The following GDPD5 variants were observed in gnomAD, a reference collection of about 807,000 sequenced individuals.
The protein encoded by GDPD5 is glycerophosphodiester phosphodiesterase domain containing 5.
A neutral mutation model predicts 75.1 loss-of-function variants in GDPD5; 48 were observed. The observed-to-expected ratio is 0.64, with a 90% confidence interval of 0.51 to 0.81. The LOEUF (loss-of-function observed/expected upper bound fraction) is 0.81, where lower values mean the gene tolerates loss of function less well. GDPD5 is among the 40% of genes least tolerant of loss of function. The pLI, the probability that GDPD5 is intolerant of heterozygous loss-of-function variation, is 0.00. For synonymous variants in GDPD5, 336 were observed against 339.0 expected (o/e 0.99, Z 0.10); for missense variants, 706 against 822.6 (o/e 0.86, Z 1.73).
intron 6 of GDPD5, among the ~76,000 whole-genome samples, chr11:75,454,092 C>T (rs887932639): frequency 1.3e-5 from 2 of 152,138 alleles, no homozygotes; most frequent in Non-Finnish European, 2.9e-5. Context: ...GGATGAATGA[C>T]AAACTAGGAA....
chr11:75,524,933 A>C (rs1941608940), intron 1 of GDPD5, among the ~76,000 whole-genome samples: 1 of 152,176 alleles, frequency 6.6e-6, no homozygotes, highest in Non-Finnish European at 1.5e-5. Context: ...AGCCCCGTTA[A>C]GCCTCAGTTT....
At chr11:75,437,249 T>G in intron 15 of GDPD5, 1 of 562,696 alleles carries the variant, frequency 1.8e-6, no homozygotes. Context: ...CAGGGCTCCC[T>G]GGCCTCCCTC....
At chr11:75,487,281 C>T (rs949336334) in intron 2 of GDPD5, among the ~76,000 whole-genome samples, 1 of 152,362 alleles carries the variant, frequency 6.6e-6, no homozygotes, top group Middle Eastern at 3.4e-3. Context: ...CGTTCCACCT[C>T]TCTGGGCCTC....
At chr11:75,498,049 T>G (rs1950242714) in intron 1 of GDPD5, among the ~76,000 whole-genome samples, 1 of 147,220 alleles carries the variant, frequency 6.8e-6, no homozygotes, top group East Asian at 2.1e-4. Context: ...GGTGACAGAG[T>G]GTGGACTAGC....
At chr11:75,469,153 T>A (rs1592102815) in intron 3 of GDPD5, among the ~76,000 whole-genome samples, 1 of 152,304 alleles carries the variant, frequency 6.6e-6, no homozygotes, top group East Asian at 1.9e-4. Flanking sequence ...GGTGCCATGG[T>A]CAGCCAGATG....
chr11:75,480,688 C>T (rs1487409678), intron 2 of GDPD5, among the ~76,000 whole-genome samples: 1 of 152,118 alleles, frequency 6.6e-6, no homozygotes, highest in African/African-American at 2.4e-5. Context: ...AGGATTCATA[C>T]CCACGCAGGT....
At chr11:75,490,587 G>GCCCAGA (rs1193757681) in intron 1 of GDPD5, 2 of 152,618 alleles carry the variant, frequency 1.3e-5, no homozygotes, top group South Asian at 2.1e-4. Context: ...CCAGCCCCAG[G>GCCCAGA]CCCAGACCCA....
chr11:75,520,407 G>A (rs373797807), intron 1 of GDPD5, among the ~76,000 whole-genome samples: 12 of 152,192 alleles, frequency 7.9e-5, no homozygotes, highest in African/African-American at 2.7e-4. Flanking sequence ...TTGTCCATGG[G>A]GCAGCTTGCA....
chr11:75,517,365 A>C (rs571325930), intron 1 of GDPD5: 9 of 152,370 alleles, frequency 5.9e-5, no homozygotes, highest in Admixed American at 2.0e-4. Flanking sequence ...GAGGCAGGAG[A>C]ATCGCTTGAA....
intron 2 of GDPD5, among the ~76,000 whole-genome samples, chr11:75,478,334 T>C (rs532154851): frequency 1.3e-5 from 2 of 152,258 alleles, no homozygotes; most frequent in East Asian, 3.9e-4. Flanking sequence ...TTTGTAGAGC[T>C]GGGGTTTTGC....
intron 1 of GDPD5, among the ~76,000 whole-genome samples, chr11:75,498,712 T>C (rs748706591): frequency 2.2e-4 from 34 of 152,140 alleles, no homozygotes; most frequent in Non-Finnish European, 3.5e-4. Flanking sequence ...AGAGAAGCAG[T>C]GGAGCACAGT....
chr11:75,470,944 C>A (rs953571474), intron 3 of GDPD5, among the ~76,000 whole-genome samples: 11 of 152,224 alleles, frequency 7.2e-5, no homozygotes, highest in Non-Finnish European at 1.5e-4. Flanking sequence ...TGGCACAGCT[C>A]CTTTCTGCTC....
intron 1 of GDPD5, among the ~76,000 whole-genome samples, chr11:75,494,943 C>T (rs1281112752): frequency 6.6e-6 from 1 of 151,498 alleles, no homozygotes; most frequent in Non-Finnish European, 1.5e-5. Context: ...CAGAGTGAGA[C>T]TCCATCTCAA....
At chr11:75,515,299 A>T (rs1035462804) in intron 1 of GDPD5, among the ~76,000 whole-genome samples, 2 of 152,180 alleles carry the variant, frequency 1.3e-5, no homozygotes, top group African/African-American at 4.8e-5. Flanking sequence ...TTTCCATGCA[A>T]AGTGTCATAT....
chr11:75,435,486 G>T lies in GDPD5; in HGVS notation c.*21C>A. ...TCCCCAGCTTCTGTGTCAGGTACAG[G>T]TGGGACAGACATGTCTTCAGCTAAC... is the stretch of plus-strand genomic sequence containing the variant. On this transcript the variant is annotated 3_prime_UTR_variant, in exon 17 of 17. Transcript: ENST00000336898. 1 of 1,574,142 alleles carries T rather than the reference G, an allele frequency of 6.4e-7. No homozygotes were observed.
intron 1 of GDPD5, among the ~76,000 whole-genome samples, chr11:75,494,377 CCA>C (rs1182138514): frequency 2.0e-5 from 3 of 151,870 alleles, no homozygotes. Context: ...GCCACCATGC[CCA>C]ACTATTTTTC....
In GDPD5 at chr11:75,449,999, T is replaced by A. The variant is rs1267457357; in HGVS notation, c.376-16A>T. 6.2e-7 allele frequency: 1 copy of A among 1,608,346 alleles called. No individual in the cohort carries two copies. Among genetic ancestry groups the A allele is most frequent in the East Asian group, 2.2e-5 (1 of 44,800 alleles). On this transcript the variant is annotated splice_polypyrimidine_tract_variant and intron_variant, in intron 6 of 16. Coordinates refer to ENST00000336898, the MANE Select transcript of GDPD5 (RefSeq NM_030792.8). Reference sequence around the variant, plus strand: ...CCAGCCCGATCTGGAGGGGGAAGAGTCACCGGACAGAGGCTCAGAGCGGGT... The same window carrying A: ...CCAGCCCGATCTGGAGGGGGAAGAGACACCGGACAGAGGCTCAGAGCGGGT...
At chr11:75,512,349 C>T (rs532405903) in intron 1 of GDPD5, among the ~76,000 whole-genome samples, 47 of 131,936 alleles carry the variant, frequency 3.6e-4, no homozygotes, top group African/African-American at 1.3e-3. Context: ...AGAGATGCAG[C>T]GCTCTGGAGG....
intron 1 of GDPD5, among the ~76,000 whole-genome samples, chr11:75,496,694 G>A (rs752682974): frequency 5.3e-5 from 8 of 152,136 alleles, no homozygotes; most frequent in African/African-American, 1.9e-4. Flanking sequence ...CTCTCTGTAC[G>A]AGGCCAAGGT....
Sources: gnomAD v4.1 joint callset for allele counts (sites outside exome capture counted in the v4.1 genomes callset) on GRCh38, gnomAD v4.1.1 for gene constraint, MANE v1.5 for transcripts, NCBI Gene and HGNC (gene_info 2026-07-23, HGNC 2026-07-21) for gene names.